PIK3AP1: variants seen among roughly 807,000 people sequenced by gnomAD.
The protein encoded by PIK3AP1 is phosphoinositide-3-kinase adaptor protein 1, also known as phosphoinositide 3-kinase adapter protein 1.
In PIK3AP1, 21 loss-of-function variants were observed where a neutral mutation model predicts 88.1. The observed-to-expected ratio is 0.24, with a 90% CI of 0.17 to 0.34. The LOEUF (loss-of-function observed/expected upper bound fraction) is 0.34, where lower values mean the gene tolerates loss of function less well. PIK3AP1 is among the 10% of genes least tolerant of loss of function. PIK3AP1 has a pLI of 1.00. For missense variants in PIK3AP1, 828 were observed against 1,035.7 expected (o/e 0.80, Z 2.75); for synonymous variants, 398 against 400.0 (o/e 1.00, Z 0.06).
chr10:96,679,510 A>G (rs1366186837), intron 2 of PIK3AP1, among the ~76,000 whole-genome samples: 1 of 152,106 alleles, frequency 6.6e-6, no homozygotes. Flanking sequence ...CCTGGGCGAC[A>G]GAGCAAGACT....
intron 6 of PIK3AP1, among the ~76,000 whole-genome samples, chr10:96,650,537 C>A (rs930096066): frequency 3.3e-5 from 5 of 152,222 alleles, no homozygotes; most frequent in East Asian, 1.9e-4. Context: ...TTCCAGCCCT[C>A]ACTGAGCGGA....
intron 2 of PIK3AP1, among the ~76,000 whole-genome samples, chr10:96,685,007 C>T (rs1180425362): frequency 6.6e-6 from 1 of 152,168 alleles, no homozygotes; most frequent in Non-Finnish European, 1.5e-5. Context: ...ATCACAATCT[C>T]CCCAACACAG....
intron 4 of PIK3AP1, 133 bp downstream of exon 4, chr10:96,652,565 T>G (rs1843554237): frequency 5.3e-6 from 6 of 1,130,718 alleles, no homozygotes; most frequent in Non-Finnish European, 6.5e-6. Flanking sequence ...AGAGCGAGAC[T>G]CTGTCTCAAA....
At chr10:96,708,253 T>A (rs1844389859) in intron 2 of PIK3AP1, among the ~76,000 whole-genome samples, 2 of 152,010 alleles carry the variant, frequency 1.3e-5, no homozygotes, top group African/African-American at 4.8e-5. Context: ...ACATAGCCCA[T>A]TCATAGCCCA....
chr10:96,630,415 A>T (rs1843229188), intron 8 of PIK3AP1, among the ~76,000 whole-genome samples: 1 of 152,238 alleles, frequency 6.6e-6, no homozygotes, highest in Admixed American at 6.5e-5. Context: ...TATTTTAAAC[A>T]TATTCTGATA....
chr10:96,708,736 C>T (rs1447273231), intron 2 of PIK3AP1, among the ~76,000 whole-genome samples: 1 of 151,880 alleles, frequency 6.6e-6, no homozygotes, highest in Admixed American at 6.6e-5. Flanking sequence ...CAGAAAGGAT[C>T]GGAATTTTCC....
chr10:96,706,469 T>C (rs1176294386), intron 2 of PIK3AP1, among the ~76,000 whole-genome samples: 2 of 152,106 alleles, frequency 1.3e-5, no homozygotes, highest in Non-Finnish European at 2.9e-5. Flanking sequence ...CTTTAGATAC[T>C]GTTCTAGCCC....
intron 4 of PIK3AP1, among the ~76,000 whole-genome samples, chr10:96,652,281 A>G (rs1843548797): frequency 6.6e-6 from 1 of 152,226 alleles, no homozygotes; most frequent in South Asian, 2.1e-4. Flanking sequence ...ACTCTTTAAC[A>G]AATATCAAAG....
chr10:96,640,486 A>G (rs1843369679), intron 8 of PIK3AP1, among the ~76,000 whole-genome samples: 1 of 152,172 alleles, frequency 6.6e-6, no homozygotes, highest in Non-Finnish European at 1.5e-5. Context: ...TCATTCTCCA[A>G]GGTAAGGGCA....
intron 14 of PIK3AP1, among the ~76,000 whole-genome samples, chr10:96,605,178 T>C (rs1848981753): frequency 6.6e-6 from 1 of 152,126 alleles, no homozygotes; most frequent in Admixed American, 6.5e-5. Flanking sequence ...TAATTTATGT[T>C]CATGGTCAGA....
chr10:96,632,671 T>C (rs1468810223), intron 8 of PIK3AP1, among the ~76,000 whole-genome samples: 1 of 152,226 alleles, frequency 6.6e-6, no homozygotes, highest in Non-Finnish European at 1.5e-5. Flanking sequence ...GAAGCAACAA[T>C]GTAGGTGGCT....
intron 14 of PIK3AP1, among the ~76,000 whole-genome samples, chr10:96,605,615 T>C (rs1179803685): frequency 6.6e-6 from 1 of 152,242 alleles, no homozygotes; most frequent in African/African-American, 2.4e-5. Context: ...AGTTTATAGG[T>C]AGTCAAAAAA....
intron 2 of PIK3AP1, among the ~76,000 whole-genome samples, chr10:96,672,317 C>G (rs1209979287): frequency 6.6e-6 from 1 of 152,216 alleles, no homozygotes; most frequent in Non-Finnish European, 1.5e-5. Context: ...GTGGAGGGTT[C>G]TGGGTCAAGG....
chr10:96,615,921 TC>T (rs10719129), intron 13 of PIK3AP1, among the ~76,000 whole-genome samples: 84,398 of 152,018 alleles, frequency 0.56, 25,200 homozygotes, highest in East Asian at 0.82. Context: ...GTAATAGGGC[TC>T]CATTCAAGAT....
chr10:96,678,030 C>T (rs1198095676), intron 2 of PIK3AP1, among the ~76,000 whole-genome samples: 2 of 152,148 alleles, frequency 1.3e-5, no homozygotes, highest in Non-Finnish European at 2.9e-5. Context: ...GTGGTGTGAT[C>T]ATGGCTCACT....
chr10:96,596,258 G>C (rs1341814145), intron 16 of PIK3AP1, among the ~76,000 whole-genome samples: 1 of 152,098 alleles, frequency 6.6e-6, no homozygotes. Context: ...ATTCAAACTA[G>C]CCAATTCTAA....
rs553326907 is a variant in PIK3AP1 at position 96,623,543 on chromosome 10, A to C, written c.1670-6T>G. The C allele has an allele frequency of 6.3e-7, 1 of 1,594,094 alleles. No individual in the cohort carries two copies. Among genetic ancestry groups the C allele is most frequent in the Non-Finnish European group, 8.6e-7 (1 of 1,163,024 alleles). ...TTGACTTTTTTCTGCAAAAACTATG[A>C]GATAAAGAATATTCTGATTACTGAA... On this transcript the variant is annotated splice_region_variant and splice_polypyrimidine_tract_variant and intron_variant, in intron 10 of 16. Transcript: ENST00000339364.
intron 1 of PIK3AP1, among the ~76,000 whole-genome samples, chr10:96,712,767 A>G (rs977470926): frequency 6.6e-6 from 1 of 152,258 alleles, no homozygotes; most frequent in Non-Finnish European, 1.5e-5. Flanking sequence ...AAGACTTTAC[A>G]TTTCATTATA....
At chr10:96,674,693 C>T (rs1843892818) in intron 2 of PIK3AP1, among the ~76,000 whole-genome samples, 1 of 152,184 alleles carries the variant, frequency 6.6e-6, no homozygotes, top group Non-Finnish European at 1.5e-5. Context: ...GAAAGCAACA[C>T]CTCAGGGAGG....
Sources: allele counts gnomAD v4.1 joint callset (sites outside exome capture counted in the v4.1 genomes callset), GRCh38; gene constraint gnomAD v4.1.1; transcripts MANE v1.5; gene names NCBI Gene and HGNC (gene_info 2026-07-23, HGNC 2026-07-21).